BIN1: variants seen among roughly 807,000 people sequenced by gnomAD.
BIN1 encodes bridging integrator 1, also known as myc box-dependent-interacting protein 1.
A neutral mutation model predicts 82.0 loss-of-function variants in BIN1; 53 were observed. That is an observed-to-expected ratio of 0.65 (90% confidence interval 0.52 to 0.81). The LOEUF (loss-of-function observed/expected upper bound fraction) is 0.81, where lower values mean the gene tolerates loss of function less well. Ranked by LOEUF, BIN1 falls within the 40% of genes least tolerant of loss-of-function variation. BIN1 has a pLI of 0.00. For missense variants in BIN1, 642 were observed against 784.4 expected (o/e 0.82, Z 2.17); for synonymous variants, 302 against 328.0 (o/e 0.92, Z 0.86).
In BIN1 at chr2:127,052,275, C is replaced by T; in HGVS notation, c.1351G>A (p.Ala451Thr). 4 of 1,578,386 alleles carry T rather than the reference C, an allele frequency of 2.5e-6. No individual in the cohort carries two copies. The highest frequency in any genetic ancestry group is 2.6e-6 in the Non-Finnish European group (3 of 1,162,078). The change falls in exon 15 of 19, where the codon GCC (alanine) becomes ACC (threonine). Residue 451 changes from alanine (A) to threonine (T), a missense_variant. Ala to Thr is a moderately conservative substitution (Grantham distance 58). Coordinates refer to ENST00000316724, the MANE Select transcript of BIN1 (RefSeq NM_139343.3). ...TFAVSWPSQT[A>T]EPGPAQPAEA... ...CTTACTTGGGCAGGCCCCGGCTCGG[C>T]CGTCTGGCTGGGCCAGGACACAGCA... is the stretch of plus-strand genomic sequence containing the variant.
intron 5 of BIN1, 54 bp from the exon 6 acceptor site, chr2:127,069,085 C>T: frequency 6.5e-7 from 1 of 1,548,066 alleles, no homozygotes; most frequent in Non-Finnish European, 8.9e-7. Flanking sequence ...TGCTGAGACT[C>T]CAGGTCCAGT....
Position 127,069,182 on chromosome 2 carries a change from C to A in BIN1, c.412-151G>T, listed in dbSNP as rs1685537737. The A allele has an allele frequency of 7.1e-6, 5 of 707,306 alleles. No individual in the cohort carries two copies. The Admixed American group carries it at 1.2e-4, about 17-fold the overall frequency. The allele number at this position is 707,306 out of a possible 1,614,324, so 43.8% of individuals were successfully genotyped here. ...CTTGTTGCTGGAACCCTCCTCGTGG[C>A]AGAGAGCTCACCCCCTCCTGGCCGT... is the stretch of plus-strand genomic sequence containing the variant. On this transcript the variant is annotated intron_variant, in intron 5 of 18. Coordinates refer to ENST00000316724, the MANE Select transcript of BIN1 (RefSeq NM_139343.3).
chr2:127,077,596 GC>G (rs1686782610), intron 1 of BIN1, among the ~76,000 whole-genome samples: 2 of 152,142 alleles, frequency 1.3e-5, no homozygotes, highest in Admixed American at 1.3e-4. Flanking sequence ...CAATCCCAGA[GC>G]TCCACATGAC....
At chr2:127,060,598 G>C (rs1242285379) in intron 10 of BIN1, 2 of 1,614,204 alleles carry the variant, frequency 1.2e-6, no homozygotes, top group East Asian at 2.2e-5. Context: ...GCCGGTACCT[G>C]TTCTTCTTTC....
chr2:127,050,591 T>G, intron 17 of BIN1, 69 bp from the exon 18 acceptor site: 1 of 1,559,874 alleles, frequency 6.4e-7, no homozygotes, highest in Non-Finnish European at 8.8e-7. Context: ...GCACGGGCCT[T>G]GCGTGTGGGA....
In BIN1 at chr2:127,057,620, T is replaced by G. The variant is rs1370588582; in HGVS notation, c.1003-19A>C. On this transcript the variant is annotated intron_variant, in intron 11 of 18. Coordinates refer to ENST00000316724, the MANE Select transcript of BIN1 (RefSeq NM_139343.3). This position sits in a 1 kb window ranked among gnomAD's most constrained non-coding sequence, Gnocchi z 5.0. ...TCCGGAGCTGTGGGTCGGCGGCGGG[T>G]GAGGGGCCGCGCGGGAAGGCACAGC... is the stretch of plus-strand genomic sequence containing the variant. 2 of 1,499,982 alleles carry G rather than the reference T, an allele frequency of 1.3e-6. No homozygotes were observed. Among genetic ancestry groups the G allele is most frequent in the Non-Finnish European group, 8.9e-7 (1 of 1,118,362 alleles). 92.9% of individuals were successfully genotyped at this position (1,499,982 alleles called of 1,614,324 possible). A position where few individuals can be genotyped will look rare whatever the true frequency, so the allele number is the denominator to read the frequency against.
In BIN1 at chr2:127,050,826, G is replaced by A. The variant is rs750869889; in HGVS notation, c.1548C>T (p.Asp516=). ...CCTTGAACATGAAACCTGGGGGCAG[G>A]TCCAAGCGCCCGGCCCCACTGCCGC... is the stretch of plus-strand genomic sequence containing the variant. ...VEGGSGAGRL[D]LPPGFMFKVQ... is the part of the protein sequence containing the mutation. The change falls in exon 17 of 19, where the codon GAC becomes GAT. Residue 516 remains aspartate, a synonymous_variant. Coordinates refer to ENST00000316724, the MANE Select transcript of BIN1 (RefSeq NM_139343.3). The A allele has an allele frequency of 1.1e-5, 17 of 1,613,682 alleles. No homozygotes were observed. The Middle Eastern group carries it at 4.9e-4, about 47-fold the overall frequency.
Position 127,053,910 on chromosome 2 carries a change from C to T in BIN1, c.1234G>A (p.Gly412Ser). The T allele has an allele frequency of 6.4e-7, 1 of 1,551,116 alleles. No homozygotes were observed. The highest frequency in any genetic ancestry group is 1.2e-5 in the South Asian group (1 of 84,038). ...TSPVKAPTPS[G>S]QSIPWDLWEP... ...CAGTGGTGGGCACAACCAACCTGAC[C>T]AGAGGGCGTGGGTGCCTTCACAGGG... Residue 412 changes from glycine (G) to serine (S), a missense_variant, in exon 13 of 19, where the codon GGT (glycine) becomes AGT (serine). Gly to Ser is a moderately conservative substitution (Grantham distance 56). Coordinates refer to ENST00000316724, the MANE Select transcript of BIN1 (RefSeq NM_139343.3).
chr2:127,078,283 G>A (rs868649965), intron 1 of BIN1, among the ~76,000 whole-genome samples: 5 of 152,234 alleles, frequency 3.3e-5, no homozygotes, highest in Non-Finnish European at 7.3e-5. Context: ...CACCTTGGCC[G>A]GTACAGCAGA....
chr2:127,094,152 C>A (rs1185765473), intron 1 of BIN1, among the ~76,000 whole-genome samples: 1 of 152,188 alleles, frequency 6.6e-6, no homozygotes, highest in Non-Finnish European at 1.5e-5. Context: ...CAAAAGGGGA[C>A]ACTGAAACTT....
chr2:127,059,221 A>C lies in BIN1; in HGVS notation c.858-66T>G. ...CCAAGGCACAGGAGACGGAGGGGCA[A>C]ATGTATTGACGTCTGTGTGAAGAGG... On this transcript the variant is annotated intron_variant, in intron 10 of 18. Coordinates refer to ENST00000316724, the MANE Select transcript of BIN1 (RefSeq NM_139343.3). The surrounding 1 kb of genome is among the most constrained non-coding windows in gnomAD (Gnocchi z 6.7). The C allele has an allele frequency of 6.6e-7, 1 of 1,522,150 alleles. No homozygotes were observed. The highest frequency in any genetic ancestry group is 2.0e-5 in the Admixed American group (1 of 50,710). The allele number at this position is 1,522,150 out of a possible 1,614,324, so 94.3% of individuals were successfully genotyped here.
intron 1 of BIN1, among the ~76,000 whole-genome samples, chr2:127,089,267 A>T (rs1014842997): frequency 3.3e-5 from 5 of 151,916 alleles, no homozygotes; most frequent in Non-Finnish European, 7.4e-5. Context: ...CCCCTGGAAG[A>T]CTCTGGCCCT....
intron 1 of BIN1, among the ~76,000 whole-genome samples, chr2:127,100,224 C>T (rs180973576): frequency 2.8e-4 from 43 of 152,332 alleles, no homozygotes; most frequent in African/African-American, 1.0e-3. Flanking sequence ...TCTGGACTTG[C>T]ACCTAGAAAC....
intron 17 of BIN1, 110 bp downstream of exon 17, chr2:127,050,692 A>G: frequency 7.3e-7 from 1 of 1,376,690 alleles, no homozygotes; most frequent in Non-Finnish European, 1.0e-6. Flanking sequence ...GGAGTGACCT[A>G]GTAGCGCCTG....
chr2:127,075,575 C>T (rs1225213580), intron 2 of BIN1, among the ~76,000 whole-genome samples: 1 of 152,152 alleles, frequency 6.6e-6, no homozygotes, highest in Non-Finnish European at 1.5e-5. Flanking sequence ...TCCCCAATCC[C>T]TGTCCAGGGA....
intron 10 of BIN1, among the ~76,000 whole-genome samples, 155 bp downstream of exon 10, chr2:127,061,960 C>A (rs374286691): frequency 6.6e-6 from 1 of 152,182 alleles, no homozygotes; most frequent in African/African-American, 2.4e-5. Flanking sequence ...CCCTCACCTG[C>A]CTCCCTGAGC....
intron 4 of BIN1, 133 bp from the exon 5 acceptor site, chr2:127,070,223 A>G (rs996871066): frequency 1.3e-5 from 10 of 753,614 alleles, no homozygotes; most frequent in African/African-American, 1.0e-4. Context: ...CAGTTTCCCC[A>G]TCTGTAAGAT....
At chr2:127,069,377 T>C (rs1467711235) in intron 5 of BIN1, among the ~76,000 whole-genome samples, 1 of 152,128 alleles carries the variant, frequency 6.6e-6, no homozygotes, top group Non-Finnish European at 1.5e-5. Flanking sequence ...TGGGGACCCC[T>C]GAGGCTAGCA....
intron 11 of BIN1, among the ~76,000 whole-genome samples, chr2:127,058,609 C>T (rs1165299037): frequency 6.6e-6 from 1 of 152,178 alleles, no homozygotes; most frequent in African/African-American, 2.4e-5. Flanking sequence ...GCTCCTCCCT[C>T]AGGCCCCTTT....
Sources: allele counts gnomAD v4.1 joint callset (sites outside exome capture counted in the v4.1 genomes callset), GRCh38; gene constraint gnomAD v4.1.1; non-coding constraint Gnocchi (gnomAD v3.1); transcripts MANE v1.5; gene names NCBI Gene and HGNC (gene_info 2026-07-23, HGNC 2026-07-21).